HDAC8: variants seen among roughly 807,000 people sequenced by gnomAD.
HDAC8 encodes histone deacetylase-like 1.
A neutral mutation model predicts 32.2 loss-of-function variants in HDAC8; 1 was observed. The ratio of observed to expected loss-of-function variants is 0.03; its 90% CI spans 0.01 to 0.15. HDAC8 has a LOEUF of 0.15. Ranked by LOEUF, HDAC8 falls within the 10% of genes least tolerant of loss-of-function variation. The probability of loss-of-function intolerance (pLI) is 1.00; values close to 1 mark genes in which losing one functional copy is unlikely to be tolerated. For synonymous variants in HDAC8, 108 were observed against 113.9 expected (o/e 0.95, Z 0.33); for missense variants, 117 against 300.0 (o/e 0.39, Z 4.51).
intron 10 of HDAC8, among the ~76,000 whole-genome samples, chrX:72,333,319 C>A (rs2147670310): frequency 8.9e-6 from 1 of 112,069 alleles, no homozygotes; most frequent in South Asian, 3.7e-4. Flanking sequence ...GCGACAACCT[C>A]TTATCTGGTC....
chrX:72,555,396 G>T (rs2051250053), intron 4 of HDAC8, among the ~76,000 whole-genome samples: 2 of 111,653 alleles, frequency 1.8e-5, no homozygotes, highest in African/African-American at 6.5e-5. Flanking sequence ...TCCAAACCAA[G>T]ACAAAAATCC....
chrX:72,468,032 T>C, intron 7 of HDAC8: 1 of 1,177,010 alleles, frequency 8.5e-7, no homozygotes, highest in Non-Finnish European at 1.1e-6. Context: ...ATTGAAAAGG[T>C]TGATAAGAAG....
rs782262515 is a variant in HDAC8, at chrX:72,523,791, A to G, written c.438-28523T>C. On this transcript the variant is annotated intron_variant, in intron 4 of 10. Coordinates refer to ENST00000373573, the MANE Select transcript of HDAC8 (RefSeq NM_018486.3). ...AAAAGCTTAGTTATTCCTCACAGTA[A>G]TCTTGTAAGGTAGGTTCTATCACCA... is the stretch of plus-strand genomic sequence containing the variant. 6.3e-4 allele frequency among the ~76,000 whole-genome samples: 71 copies of G among 112,368 alleles called. 2 individuals carry two copies. Among genetic ancestry groups the G allele is most frequent in the African/African-American group, 5.5e-4 (17 of 30,995 alleles).
At chrX:72,496,045 T>G (rs894582737) in intron 4 of HDAC8, among the ~76,000 whole-genome samples, 4 of 111,697 alleles carry the variant, frequency 3.6e-5, no homozygotes, top group Non-Finnish European at 7.5e-5. Flanking sequence ...AGATGTCAAA[T>G]AACATTCTTT....
intron 4 of HDAC8, among the ~76,000 whole-genome samples, chrX:72,511,729 T>C (rs2049594232): frequency 1.8e-5 from 2 of 112,237 alleles, no homozygotes. Flanking sequence ...GATGAAAATC[T>C]AGAGTAATTT....
At chrX:72,354,401 T>TCTG (rs1286265446) in intron 9 of HDAC8, among the ~76,000 whole-genome samples, 1 of 112,757 alleles carries the variant, frequency 8.9e-6, no homozygotes, top group Non-Finnish European at 1.9e-5. Flanking sequence ...GAAACTTCTG[T>TCTG]CATGTTCTGT....
rs1184077871 is a variant in HDAC8, at chrX:72,409,196, T to C, written c.1005+52808A>G. On this transcript the variant is annotated intron_variant, in intron 9 of 10. Transcript: ENST00000373573. ...TCAGAAATCTTGAGAGGCATCTCTC[T>C]GCTTTCTCTTGCTCCATCATGTCTA... 4.4e-5 allele frequency among the ~76,000 whole-genome samples: 5 copies of C among 112,584 alleles called. No individual in the cohort carries two copies. The Admixed American group carries it at 4.7e-4, about 11-fold the overall frequency.
At chrX:72,412,036 TC>T (rs1277748767) in intron 9 of HDAC8, among the ~76,000 whole-genome samples, 1 of 112,147 alleles carries the variant, frequency 8.9e-6, no homozygotes, top group African/African-American at 3.2e-5. Context: ...AACAAATGGC[TC>T]CAAGAAATGG....
intron 9 of HDAC8, among the ~76,000 whole-genome samples, chrX:72,399,604 T>C (rs192113111): frequency 8.9e-6 from 1 of 112,059 alleles, no homozygotes; most frequent in East Asian, 2.8e-4. Context: ...TCTCCCTACC[T>C]GTGAACAAGA....
rs191524300 is a variant in HDAC8, at chrX:72,354,715, T to A, written c.1006-2877A>T. ...CAATAGCTTTTGGGGGTACAAGTAG[T>A]TTTTGGTTACATGGATGAATTATAT... On this transcript the variant is annotated intron_variant, in intron 9 of 10. Coordinates refer to ENST00000373573, the MANE Select transcript of HDAC8 (RefSeq NM_018486.3). Among the ~76,000 whole-genome samples, 389 of 111,432 alleles carry A rather than the reference T, an allele frequency of 3.5e-3. 1 individual carries two copies. The highest frequency in any genetic ancestry group is 0.026 in the South Asian group (68 of 2,601).
rs782159125 is a variant in HDAC8, at chrX:72,572,807, T to C, written c.-46A>G. 10 of 1,083,930 alleles carry C rather than the reference T, an allele frequency of 9.2e-6. No individual in the cohort carries two copies. The East Asian group carries it at 3.0e-4, about 33-fold the overall frequency. 89.3% of individuals were successfully genotyped at this position (1,083,930 alleles called of 1,213,427 possible). A position where few individuals can be genotyped will look rare whatever the true frequency, so the allele number is the denominator to read the frequency against. The stretch of plus-strand genomic sequence containing the variant: ...GCAGCCACCTTCCAGATCTGGCTTT[T>C]TTCGGACTCGGCCAGGGTTCCAGTT... On this transcript the variant is annotated 5_prime_UTR_variant, in exon 1 of 11. Coordinates refer to ENST00000373573, the MANE Select transcript of HDAC8 (RefSeq NM_018486.3).
chrX:72,533,216 A>G (rs1472995802), intron 4 of HDAC8, among the ~76,000 whole-genome samples: 2 of 111,911 alleles, frequency 1.8e-5, no homozygotes, highest in African/African-American at 6.5e-5. Context: ...CCATTGATCT[A>G]TGTATCTATC....
intron 4 of HDAC8, among the ~76,000 whole-genome samples, chrX:72,552,821 A>T (rs1399751695): frequency 1.1e-5 from 1 of 89,042 alleles, no homozygotes; most frequent in East Asian, 6.2e-4. Flanking sequence ...ATATACGTAT[A>T]TATACATATA....
At chrX:72,489,348 G>A (rs2048783044) in intron 6 of HDAC8, 1 of 338,939 alleles carries the variant, frequency 3.0e-6, no homozygotes, top group Admixed American at 3.3e-5. Flanking sequence ...TGCATGGGGT[G>A]TCTACTAGTA....
At chrX:72,356,552 G>T (rs181169690) in intron 9 of HDAC8, among the ~76,000 whole-genome samples, 23 of 111,013 alleles carry the variant, frequency 2.1e-4, no homozygotes, top group Non-Finnish European at 3.6e-4. Context: ...GGATAAGTGA[G>T]TAGAAGCTTG....
intron 9 of HDAC8, among the ~76,000 whole-genome samples, chrX:72,444,170 T>G (rs1555983458): frequency 9.8e-6 from 1 of 102,212 alleles, no homozygotes; most frequent in Non-Finnish European, 2.0e-5. Flanking sequence ...GAGGGAATCC[T>G]CCCTAACTCA....
chrX:72,472,940 A>T (rs2048228220), intron 7 of HDAC8, among the ~76,000 whole-genome samples: 1 of 110,880 alleles, frequency 9.0e-6, no homozygotes, highest in Non-Finnish European at 1.9e-5. Context: ...ACTCTAATCT[A>T]GCCCTTATGA....
intron 9 of HDAC8, among the ~76,000 whole-genome samples, chrX:72,450,306 T>C (rs1555986945): frequency 1.8e-5 from 2 of 112,275 alleles, no homozygotes; most frequent in African/African-American, 6.5e-5. Context: ...GGAAGGTCTC[T>C]GTGATAATGG....
At chrX:72,501,051 T>C in intron 4 of HDAC8, among the ~76,000 whole-genome samples, 1 of 111,354 alleles carries the variant, frequency 9.0e-6, no homozygotes. Flanking sequence ...TACCTAGGAA[T>C]ACAGCTTACC....
Sources: allele counts gnomAD v4.1 joint callset (sites outside exome capture counted in the v4.1 genomes callset), GRCh38; gene constraint gnomAD v4.1.1; transcripts MANE v1.5; gene names NCBI Gene and HGNC (gene_info 2026-07-23, HGNC 2026-07-21).